APLP2: variants seen among roughly 807,000 people sequenced by gnomAD.
APLP2 encodes CDEI box-binding protein.
Under a neutral mutation model 89.9 loss-of-function variants are expected in APLP2, and 53 were observed. The observed-to-expected ratio is 0.59, with a 90% CI of 0.47 to 0.74. The LOEUF is 0.74. Among genes scored for constraint, APLP2 ranks in the 30% least tolerant of loss-of-function variants. APLP2 has a pLI of 0.00. For synonymous variants in APLP2, 372 were observed against 348.6 expected (o/e 1.07, Z -0.75); for missense variants, 973 against 975.9 (o/e 1.00, Z 0.04).
At position 130,141,560 on chromosome 11, in the gene APLP2, C is replaced by T. The variant is rs1952395254; in HGVS notation, c.1986C>T (p.Leu662=). The T allele has an allele frequency of 3.1e-6, 5 of 1,613,848 alleles. No homozygotes were observed. Among genetic ancestry groups the T allele is most frequent in the African/African-American group, 1.3e-5 (1 of 74,972 alleles). ...MIFNAERVGG[L]EEERESVGPL... The stretch of plus-strand genomic sequence containing the variant: ...TCAATGCCGAGAGAGTTGGAGGCCT[C>T]GAGGAAGAGCGGGTACGTGTTTAGC... The change falls in exon 15 of 17, where the codon CTC becomes CTT. Residue 662 remains leucine, a synonymous_variant. Coordinates refer to ENST00000338167, the MANE Select transcript of APLP2 (RefSeq NM_001142276.2). This position sits in a 1 kb window ranked among gnomAD's most constrained non-coding sequence, Gnocchi z 4.2.
Position 130,070,002 on chromosome 11 carries a change from G to GCCGCAGCCA in APLP2, c.27_35dup (p.Ala10_Thr12dup), listed in dbSNP as rs1940545838. 1 of 1,504,462 alleles carries GCCGCAGCCA rather than the reference G, an allele frequency of 6.6e-7. No individual in the cohort carries two copies. Among genetic ancestry groups the GCCGCAGCCA allele is most frequent in the Admixed American group, 2.1e-5 (1 of 48,182 alleles). The allele number at this position is 1,504,462 out of a possible 1,614,324, so 93.2% of individuals were successfully genotyped here. ...GATGGCGGCCACCGGGACCGCGGCC[G>GCCGCAGCCA]CCGCAGCCACGGGCAGGCTCCTGCT... On this transcript the variant is annotated inframe_insertion, in exon 1 of 17. Coordinates refer to ENST00000338167, the MANE Select transcript of APLP2 (RefSeq NM_001142276.2).
chr11:130,120,042 T>C (rs933158132), intron 3 of APLP2, among the ~76,000 whole-genome samples: 3 of 152,216 alleles, frequency 2.0e-5, no homozygotes, highest in African/African-American at 7.2e-5. Flanking sequence ...TTTGGATTTG[T>C]CTTAGTGTTT....
At position 130,123,622 on chromosome 11, in the gene APLP2, C is replaced by T; in HGVS notation, c.933C>T (p.Ser311=). ...ACCATTTTCACACAGCTGTCTGCTC[C>T]CAGGAGGCGATGACGGGGCCCTGCC... The part of the protein sequence containing the change: ...EITHDVKAVC[S]QEAMTGPCRA... The change falls in exon 7 of 17, where the codon TCC becomes TCT. Residue 311 remains serine, a synonymous_variant. Transcript: ENST00000338167. This position sits in a 1 kb window ranked among gnomAD's most constrained non-coding sequence, Gnocchi z 4.0. The T allele has an allele frequency of 2.5e-6, 4 of 1,613,730 alleles. No individual in the cohort carries two copies. Among genetic ancestry groups the T allele is most frequent in the Non-Finnish European group, 3.4e-6 (4 of 1,179,790 alleles).
chr11:130,093,151 T>A (rs1420178640), intron 1 of APLP2, among the ~76,000 whole-genome samples: 1 of 152,218 alleles, frequency 6.6e-6, no homozygotes, highest in Non-Finnish European at 1.5e-5. Flanking sequence ...GAGAACTGAC[T>A]GAAGGATTCC....
chr11:130,112,491 T>C (rs935811290), intron 3 of APLP2, among the ~76,000 whole-genome samples: 3 of 152,222 alleles, frequency 2.0e-5, no homozygotes, highest in Non-Finnish European at 2.9e-5. Flanking sequence ...ACAGTACTTA[T>C]TAAGTTGTTG....
intron 1 of APLP2, 42 bp from the exon 2 acceptor site, chr11:130,109,387 A>G (rs779219850): frequency 6.3e-7 from 1 of 1,577,516 alleles, no homozygotes; most frequent in Admixed American, 1.8e-5. Context: ...CCTCTGTGCT[A>G]GCCTTCTTGG....
At chr11:130,072,717 T>G (rs926775683) in intron 1 of APLP2, among the ~76,000 whole-genome samples, 2 of 152,214 alleles carry the variant, frequency 1.3e-5, no homozygotes, top group African/African-American at 4.8e-5. Flanking sequence ...TCTCAGGTGA[T>G]CCACCTGCCT....
At chr11:130,087,572 A>G (rs1944311282) in intron 1 of APLP2, among the ~76,000 whole-genome samples, 3 of 152,062 alleles carry the variant, frequency 2.0e-5, no homozygotes, top group South Asian at 2.1e-4. Context: ...TGAGTTTTCA[A>G]CCTTTGTTGA....
chr11:130,143,115 C>T (rs868254532), intron 16 of APLP2, among the ~76,000 whole-genome samples: 1 of 152,194 alleles, frequency 6.6e-6, no homozygotes, highest in Non-Finnish European at 1.5e-5. Flanking sequence ...TGTCATCTTC[C>T]GTGAGGGCTA....
intron 1 of APLP2, among the ~76,000 whole-genome samples, chr11:130,093,989 C>T (rs1412132108): frequency 6.6e-6 from 1 of 151,800 alleles, no homozygotes; most frequent in Non-Finnish European, 1.5e-5. Flanking sequence ...TCGTGATCCG[C>T]CTGCCTTGGC....
chr11:130,137,846 C>G (rs1224677438), intron 13 of APLP2, among the ~76,000 whole-genome samples: 1 of 151,734 alleles, frequency 6.6e-6, no homozygotes, highest in Admixed American at 6.5e-5. Flanking sequence ...GCTCACTGTA[C>G]TGAGTCTCCA....
intron 13 of APLP2, among the ~76,000 whole-genome samples, chr11:130,140,001 G>A (rs1001214445): frequency 1.3e-5 from 2 of 152,210 alleles, no homozygotes; most frequent in African/African-American, 4.8e-5. Flanking sequence ...TTATTGTGAG[G>A]ATGGGTGCTG....
intron 3 of APLP2, among the ~76,000 whole-genome samples, chr11:130,116,546 C>T (rs574526594): frequency 5.9e-5 from 9 of 152,086 alleles, no homozygotes; most frequent in Admixed American, 2.6e-4. Flanking sequence ...AGTGCAGTGG[C>T]GCGATCTTGG....
chr11:130,077,252 G>T (rs1591755953), intron 1 of APLP2, among the ~76,000 whole-genome samples: 1 of 152,346 alleles, frequency 6.6e-6, no homozygotes, highest in East Asian at 1.9e-4. Flanking sequence ...ATTTTAAAGG[G>T]ATAATGCTAT....
chr11:130,071,127 A>G (rs1940993857), intron 1 of APLP2, among the ~76,000 whole-genome samples: 1 of 152,262 alleles, frequency 6.6e-6, no homozygotes, highest in South Asian at 2.1e-4. Flanking sequence ...TTTAAAAATT[A>G]CAACTGGTTT....
rs1256217779 is a variant in APLP2 at position 130,141,790 on chromosome 11, GC to G, written c.1999-128del. ...CCACCTGTGGGTGGTTCCCTGCAAAGCAGGATCTTGGTGCTACTTTGGGTTT... is the reference window on the plus strand; with the variant it reads ...CCACCTGTGGGTGGTTCCCTGCAAAGAGGATCTTGGTGCTACTTTGGGTTT... On this transcript the variant is annotated intron_variant, in intron 15 of 16. Transcript: ENST00000338167. The surrounding 1 kb of genome is among the most constrained non-coding windows in gnomAD (Gnocchi z 4.2). 8.5e-7 allele frequency: 1 copy of G among 1,176,464 alleles called. No individual in the cohort carries two copies. Among genetic ancestry groups the G allele is most frequent in the Non-Finnish European group, 1.2e-6 (1 of 835,566 alleles). The allele number at this position is 1,176,464 out of a possible 1,614,324, so 72.9% of individuals were successfully genotyped here.
At chr11:130,073,844 A>AT (rs1456057768) in intron 1 of APLP2, among the ~76,000 whole-genome samples, 1 of 152,210 alleles carries the variant, frequency 6.6e-6, no homozygotes, top group Non-Finnish European at 1.5e-5. Context: ...GAAAACAAGA[A>AT]TAAAAAAAAG....
At chr11:130,104,226 T>C (rs1469720657) in intron 1 of APLP2, among the ~76,000 whole-genome samples, 3 of 142,604 alleles carry the variant, frequency 2.1e-5, no homozygotes, top group Non-Finnish European at 4.6e-5. Context: ...TTTTTTTTTT[T>C]TTTTTTTGAG....
intron 1 of APLP2, among the ~76,000 whole-genome samples, chr11:130,091,925 C>T (rs1164939543): frequency 2.4e-5 from 3 of 124,850 alleles, no homozygotes; most frequent in South Asian, 2.3e-4. Context: ...ACTTCTCAGA[C>T]GGGGCAGCTG....
Sources: allele counts gnomAD v4.1 joint callset (sites outside exome capture counted in the v4.1 genomes callset), GRCh38; gene constraint gnomAD v4.1.1; non-coding constraint Gnocchi (gnomAD v3.1); transcripts MANE v1.5; gene names NCBI Gene and HGNC (gene_info 2026-07-23, HGNC 2026-07-21).